Variants in TOGARAM2 observed in about 807,000 individuals in gnomAD.
The protein encoded by TOGARAM2 is TOG array regulator of axonemal microtubules protein 2.
In TOGARAM2, 85 loss-of-function variants were observed where a neutral mutation model predicts 93.3. That is an observed-to-expected ratio of 0.91 (90% CI 0.76 to 1.09). The LOEUF is 1.09. Among genes scored for constraint, TOGARAM2 ranks in the 50% least tolerant of loss-of-function variants. The pLI is 0.00. For missense variants in TOGARAM2, 1,277 were observed against 1,334.5 expected (o/e 0.96, Z 0.67); for synonymous variants, 593 against 552.8 (o/e 1.07, Z -1.02).
chr2:28,992,244 G>T (rs1672769283), intron 1 of TOGARAM2, among the ~76,000 whole-genome samples: 1 of 152,142 alleles, frequency 6.6e-6, no homozygotes. Context: ...TCCTGGGGTG[G>T]TGCCTCTCAC....
intron 1 of TOGARAM2, among the ~76,000 whole-genome samples, chr2:28,990,097 G>A (rs1284807568): frequency 1.3e-5 from 2 of 152,202 alleles, no homozygotes; most frequent in African/African-American, 4.8e-5. Context: ...GGGGTGAGAT[G>A]TATGTGTATG....
intron 13 of TOGARAM2, among the ~76,000 whole-genome samples, chr2:29,025,131 T>G (rs13008299): frequency 0.28 from 42,752 of 152,020 alleles, 6,077 homozygotes; most frequent in Middle Eastern, 0.35. Context: ...AGACCTTTAG[T>G]AATTGCACCA....
Position 29,024,147 on chromosome 2 carries a change from C to T in TOGARAM2, c.1626C>T (p.Asn542=). ...TCTCTCCTCTCTCCAAGGTCACCAA[C>T]CTGCGGTCCAAGGTGTCTCACCTGG... ...VCLVVTGEVT[N]LRSKVSHLAI... The change falls in exon 13 of 20, where the codon AAC becomes AAT. Residue 542 remains asparagine, a synonymous_variant. Coordinates refer to ENST00000379558, the MANE Select transcript of TOGARAM2 (RefSeq NM_199280.4). The T allele has an allele frequency of 6.4e-7, 1 of 1,574,384 alleles. No individual in the cohort carries two copies. Among genetic ancestry groups the T allele is most frequent in the Non-Finnish European group, 8.6e-7 (1 of 1,159,686 alleles).
chr2:29,000,338 C>T (rs941951409), intron 4 of TOGARAM2, among the ~76,000 whole-genome samples: 14 of 152,132 alleles, frequency 9.2e-5, no homozygotes, highest in African/African-American at 3.4e-4. Context: ...CAAATCTTAG[C>T]CCCGATACTC....
intron 13 of TOGARAM2, among the ~76,000 whole-genome samples, chr2:29,026,537 T>A (rs11692581): frequency 0.33 from 50,013 of 152,066 alleles, 8,378 homozygotes; most frequent in South Asian, 0.39. Context: ...GGAGGGAAGA[T>A]GGAGAAGAGT....
In TOGARAM2 at chr2:29,052,038, G is replaced by A; in HGVS notation, c.3005G>A (p.Gly1002Glu). The change falls in exon 20 of 20, where the codon GGG (glycine) becomes GAG (glutamate). Residue 1002 changes from glycine (G) to glutamate (E), a missense_variant. By Grantham distance (98) the Gly-to-Glu change is moderately conservative. Coordinates refer to ENST00000379558, the MANE Select transcript of TOGARAM2 (RefSeq NM_199280.4). ...GGCAGCCGCAAGGCCACTGACAGAG[G>A]GGTGGCCCCTGACAGCAAGACAACT... ...LGGSRKATDR[G>E]VAPDSKTTGS... is the part of the protein sequence containing the mutation. 2.5e-6 allele frequency: 4 copies of A among 1,609,298 alleles called. No individual in the cohort carries two copies. The highest frequency in any genetic ancestry group is 1.7e-5 in the Admixed American group (1 of 59,936).
chr2:29,028,434 G>C (rs980839296), intron 14 of TOGARAM2, among the ~76,000 whole-genome samples: 1 of 152,182 alleles, frequency 6.6e-6, no homozygotes, highest in Non-Finnish European at 1.5e-5. Flanking sequence ...CAGCAGCCCC[G>C]CCCTGCCTGG....
intron 6 of TOGARAM2, among the ~76,000 whole-genome samples, chr2:29,010,562 C>G (rs1348714808): frequency 2.0e-5 from 3 of 152,044 alleles, no homozygotes; most frequent in Admixed American, 6.5e-5. Context: ...TGCAGCCCGG[C>G]CTGGACTGTG....
chr2:28,999,280 C>T lies in TOGARAM2; in HGVS notation c.239C>T (p.Pro80Leu), dbSNP rs549645383. The T allele has an allele frequency of 6.2e-7, 1 of 1,613,396 alleles. No individual in the cohort carries two copies. Among genetic ancestry groups the T allele is most frequent in the Non-Finnish European group, 8.5e-7 (1 of 1,179,418 alleles). Residue 80 changes from proline (P) to leucine (L), a missense_variant, in exon 4 of 20, where the codon CCT becomes CTT. Coordinates refer to ENST00000379558, the MANE Select transcript of TOGARAM2 (RefSeq NM_199280.4). ...GQLGGLKLDT[P>L]SKGWQARNGH... ...CTGGGTGGCCTCAAGCTGGACACCC[C>T]TTCCAAGGGCTGGCAGGCAAGGAAT...
At chr2:29,046,324 C>CA (rs1666739931) in intron 19 of TOGARAM2, 1 of 152,278 alleles carries the variant, frequency 6.6e-6, no homozygotes, top group African/African-American at 2.4e-5. Context: ...CATCTGCCAC[C>CA]ACCAGCCCTG....
At position 28,998,146 on chromosome 2, in the gene TOGARAM2, A is replaced by T; in HGVS notation, c.32A>T (p.Lys11Met). 1 of 1,602,042 alleles carries T rather than the reference A, an allele frequency of 6.2e-7. No individual in the cohort carries two copies. Among genetic ancestry groups the T allele is most frequent in the Non-Finnish European group, 8.5e-7 (1 of 1,174,420 alleles). Reference protein sequence around the residue: MGTRDDVPEAKVLVPVAVYCG... With the variant: MGTRDDVPEAMVLVPVAVYCG... Reference sequence around the variant, plus strand: ...TCTCCTGTGCTTCTGTCTCCAGCCAAGGTCCTGGTCCCCGTGGCCGTGTAC... The same window carrying T: ...TCTCCTGTGCTTCTGTCTCCAGCCATGGTCCTGGTCCCCGTGGCCGTGTAC... The change falls in exon 3 of 20, where the codon AAG becomes ATG. Residue 11 changes from lysine (K) to methionine (M), a missense_variant. By Grantham distance (95) the Lys-to-Met change is moderately conservative (BLOSUM62 -1). Transcript: ENST00000379558.
rs751163226 is a variant in TOGARAM2, at chr2:29,017,282, C to T, written c.1173C>T (p.Ser391=). 3.1e-6 allele frequency: 5 copies of T among 1,609,428 alleles called. No homozygotes were observed. The highest frequency in any genetic ancestry group is 1.7e-5 in the Admixed American group (1 of 59,004). ...AGCTCACTTCCCAGTGCCTGGGCTC[C>T]CAGAGAGCCTTCATGAAGGAAGGTA... The part of the protein sequence containing the change: ...GQELTSQCLG[S]QRAFMKEGLL... The change falls in exon 9 of 20, where the codon TCC becomes TCT. Residue 391 remains serine, a synonymous_variant. Transcript: ENST00000379558.
At chr2:28,973,666 G>C (rs1406117442) in intron 1 of TOGARAM2, among the ~76,000 whole-genome samples, 1 of 151,894 alleles carries the variant, frequency 6.6e-6, no homozygotes, top group East Asian at 1.9e-4. Context: ...GCGACCAAAG[G>C]CATGCATCAC....
At chr2:29,002,300 C>T (rs556716558) in intron 4 of TOGARAM2, among the ~76,000 whole-genome samples, 20 of 152,200 alleles carry the variant, frequency 1.3e-4, no homozygotes, top group Non-Finnish European at 2.1e-4. Context: ...TTCCTTCCCA[C>T]GCTGCCTCTG....
intron 1 of TOGARAM2, among the ~76,000 whole-genome samples, chr2:28,987,191 C>A (rs1255361113): frequency 5.3e-5 from 8 of 152,200 alleles, no homozygotes; most frequent in Non-Finnish European, 1.2e-4. Flanking sequence ...TATTTGGAAG[C>A]ACACTGTAGT....
At chr2:28,969,149 G>A (rs180800947) in intron 1 of TOGARAM2, among the ~76,000 whole-genome samples, 161 of 152,346 alleles carry the variant, frequency 1.1e-3, no homozygotes, top group Admixed American at 2.4e-3. Flanking sequence ...GTGATAGGCC[G>A]TGCAGAGAGG....
At chr2:29,024,466 T>G (rs1572736000) in intron 13 of TOGARAM2, 92 bp downstream of exon 13, 134 of 407,576 alleles carry the variant, frequency 3.3e-4, no homozygotes, top group Non-Finnish European at 4.8e-4. Context: ...GAGGGAAGGG[T>G]GCAGGGAGGG....
chr2:29,038,641 C>T (rs1212201364), intron 18 of TOGARAM2, among the ~76,000 whole-genome samples: 1 of 151,984 alleles, frequency 6.6e-6, no homozygotes, highest in Non-Finnish European at 1.5e-5. Context: ...GATGGGGTTT[C>T]AGTATGTTGG....
intron 18 of TOGARAM2, among the ~76,000 whole-genome samples, chr2:29,039,379 C>T (rs1666299893): frequency 6.6e-6 from 1 of 152,162 alleles, no homozygotes; most frequent in Non-Finnish European, 1.5e-5. Context: ...CTGTTTATTT[C>T]CTGCTAAACT....
Sources: allele counts gnomAD v4.1 joint callset (sites outside exome capture counted in the v4.1 genomes callset), GRCh38; gene constraint gnomAD v4.1.1; transcripts MANE v1.5; gene names NCBI Gene and HGNC (gene_info 2026-07-23, HGNC 2026-07-21).